The following HACD2 variants were observed in gnomAD, a reference collection of about 807,000 sequenced individuals.
HACD2 encodes the protein 3-hydroxyacyl-CoA dehydratase 2, also known as very-long-chain (3R)-3-hydroxyacyl-CoA dehydratase 2.
In HACD2, 15 loss-of-function variants were observed where a neutral mutation model predicts 31.0. The ratio of observed to expected loss-of-function variants is 0.48; its 90% CI spans 0.32 to 0.75. The LOEUF (loss-of-function observed/expected upper bound fraction) is 0.75. Ranked by LOEUF, HACD2 falls within the 30% of genes least tolerant of loss-of-function variation. The probability of loss-of-function intolerance (pLI) is 0.03; values close to 1 mark genes in which losing one functional copy is unlikely to be tolerated. For missense variants in HACD2, 283 were observed against 313.0 expected, an observed-to-expected ratio of 0.90 and a Z score of 0.72; for synonymous variants, 115 against 122.2, an observed-to-expected ratio of 0.94 and a Z score of 0.39.
intron 3 of HACD2, among the ~76,000 whole-genome samples, chr3:123,542,565 A>G (rs916947510): frequency 6.6e-6 from 1 of 152,256 alleles, no homozygotes; most frequent in African/African-American, 2.4e-5. Context: ...AGACTAAAAC[A>G]TCTATCTATC....
At chr3:123,499,121 G>A (rs1014514808) in intron 6 of HACD2, among the ~76,000 whole-genome samples, 17 of 152,028 alleles carry the variant, frequency 1.1e-4, no homozygotes, top group African/African-American at 3.6e-4. Flanking sequence ...ACCCAATATG[G>A]TACATATCTC....
intron 2 of HACD2, among the ~76,000 whole-genome samples, chr3:123,578,574 C>A (rs1418143714): frequency 6.6e-6 from 1 of 152,116 alleles, no homozygotes; most frequent in East Asian, 1.9e-4. Context: ...CTCAGCCAGG[C>A]TTCCTTTTGT....
intron 2 of HACD2, among the ~76,000 whole-genome samples, chr3:123,577,538 G>A (rs961456779): frequency 6.6e-6 from 1 of 150,980 alleles, no homozygotes; most frequent in Non-Finnish European, 1.5e-5. Context: ...GGAGAATGGC[G>A]TGAACCCGGG....
At chr3:123,575,080 T>A (rs1340784937) in intron 2 of HACD2, among the ~76,000 whole-genome samples, 1 of 151,912 alleles carries the variant, frequency 6.6e-6, no homozygotes. Flanking sequence ...ATGTGCCTAT[T>A]TAAACTTAAA....
rs565099812 is a variant in HACD2 at position 123,567,505 on chromosome 3, G to A, written c.292+257C>T. ...CTAATGTTTCTATTACCCTTACACT[G>A]AGAAGGTGGGAGACACCTCTTTTAA... is the stretch of plus-strand genomic sequence containing the variant. On this transcript the variant is annotated intron_variant, in intron 3 of 6. Transcript: ENST00000383657. 1.3e-4 allele frequency among the ~76,000 whole-genome samples: 20 copies of A among 152,236 alleles called. No homozygotes were observed. The South Asian group carries it at 3.5e-3, about 27-fold the overall frequency.
chr3:123,543,655 A>G (rs1172078278), intron 3 of HACD2: 4 of 412,270 alleles, frequency 9.7e-6, no homozygotes, highest in Non-Finnish European at 1.4e-5. Flanking sequence ...AAAAATGATT[A>G]TATTAAAGGA....
chr3:123,550,008 T>C (rs1043799455), intron 3 of HACD2, among the ~76,000 whole-genome samples: 9 of 151,990 alleles, frequency 5.9e-5, no homozygotes, highest in Admixed American at 2.6e-4. Context: ...AAGTTGGATT[T>C]TAGTCTAGAA....
At chr3:123,500,426 G>C in intron 6 of HACD2, 89 bp downstream of exon 6, 1 of 800,028 alleles carries the variant, frequency 1.2e-6, no homozygotes, top group Non-Finnish European at 1.9e-6. Flanking sequence ...CATTTACTTG[G>C]ATATAGTGCA....
At chr3:123,535,549 T>C (rs2056415406) in intron 3 of HACD2, among the ~76,000 whole-genome samples, 1 of 152,230 alleles carries the variant, frequency 6.6e-6, no homozygotes, top group South Asian at 2.1e-4. Context: ...GCACAGTCTC[T>C]TCCCCCAAAA....
intron 4 of HACD2, among the ~76,000 whole-genome samples, chr3:123,522,628 T>C (rs1217439573): frequency 6.6e-6 from 1 of 151,768 alleles, no homozygotes; most frequent in Non-Finnish European, 1.5e-5. Flanking sequence ...TGCCTCAAGT[T>C]TGACAGTGTC....
chr3:123,553,227 G>T (rs1384547813), intron 3 of HACD2, among the ~76,000 whole-genome samples: 1 of 152,178 alleles, frequency 6.6e-6, no homozygotes, highest in Non-Finnish European at 1.5e-5. Flanking sequence ...AAAGATCTCA[G>T]AGTTTTATGA....
At chr3:123,510,484 A>G (rs2056044278) in intron 4 of HACD2, among the ~76,000 whole-genome samples, 1 of 152,076 alleles carries the variant, frequency 6.6e-6, no homozygotes, top group Non-Finnish European at 1.5e-5. Context: ...CTGACCTCAC[A>G]TGATCTGCCC....
chr3:123,545,139 GTT>G (rs377625410), intron 3 of HACD2, among the ~76,000 whole-genome samples: 5 of 132,372 alleles, frequency 3.8e-5, no homozygotes, highest in East Asian at 2.2e-4. Context: ...GGTACTAGCT[GTT>G]TTTTTTTTTT....
intron 3 of HACD2, among the ~76,000 whole-genome samples, chr3:123,542,844 C>G (rs2056509695): frequency 6.6e-6 from 1 of 152,230 alleles, no homozygotes; most frequent in Non-Finnish European, 1.5e-5. Context: ...AGAAGATAAT[C>G]TGAAGATGCT....
chr3:123,533,150 T>C (rs1003976206), intron 3 of HACD2, among the ~76,000 whole-genome samples: 1 of 152,228 alleles, frequency 6.6e-6, no homozygotes, highest in African/African-American at 2.4e-5. Flanking sequence ...CAAGACAGAC[T>C]AGATTCTCTC....
At chr3:123,583,883 T>C (rs919792482) in intron 1 of HACD2, among the ~76,000 whole-genome samples, 1 of 152,244 alleles carries the variant, frequency 6.6e-6, no homozygotes, top group Non-Finnish European at 1.5e-5. Flanking sequence ...ACCCTAACAA[T>C]GTATCACCTA....
At chr3:123,512,531 A>G (rs2056076825) in intron 4 of HACD2, among the ~76,000 whole-genome samples, 1 of 152,216 alleles carries the variant, frequency 6.6e-6, no homozygotes, top group African/African-American at 2.4e-5. Flanking sequence ...GGTATGAACC[A>G]GAGGCCTGCA....
chr3:123,510,844 T>C (rs1272175144), intron 4 of HACD2, among the ~76,000 whole-genome samples: 1 of 152,178 alleles, frequency 6.6e-6, no homozygotes, highest in Non-Finnish European at 1.5e-5. Flanking sequence ...TGCCAAACTG[T>C]TGTCCACAGT....
chr3:123,529,908 C>T (rs2056334786), intron 3 of HACD2, among the ~76,000 whole-genome samples: 1 of 151,144 alleles, frequency 6.6e-6, no homozygotes, highest in Admixed American at 6.6e-5. Flanking sequence ...CCTCTAGAAA[C>T]CAATTTAAAA....
Sources: allele counts gnomAD v4.1 joint callset (sites outside exome capture counted in the v4.1 genomes callset), GRCh38; gene constraint gnomAD v4.1.1; transcripts MANE v1.5; gene names NCBI Gene and HGNC (gene_info 2026-07-23, HGNC 2026-07-21).